The following SGSM2 variants were observed in gnomAD, a reference collection of about 807,000 sequenced individuals.
SGSM2 encodes small G protein signaling modulator 2.
In SGSM2, 89 loss-of-function variants were observed where a neutral mutation model predicts 126.6. The ratio of observed to expected loss-of-function variants is 0.70; its 90% CI spans 0.59 to 0.84. The LOEUF is 0.84. SGSM2 is among the 40% of genes least tolerant of loss of function. The pLI is 0.00. For missense variants in SGSM2, 1,404 were observed against 1,416.6 expected (o/e 0.99, Z 0.14); for synonymous variants, 614 against 574.3 (o/e 1.07, Z -0.99).
In SGSM2 at chr17:2,379,179, A is replaced by G; in HGVS notation, c.3043A>G (p.Thr1015Ala). The change falls in exon 23 of 24, where the codon ACT becomes GCT. Residue 1015 changes from threonine (T) to alanine (A), a missense_variant. Thr to Ala is a moderately conservative substitution (Grantham distance 58, BLOSUM62 0). Transcript: ENST00000268989. ...CATCCGTGACAACAACATGGACTTC[A>G]CTGACATCATCAAGTTTTTCAATGG... is the stretch of plus-strand genomic sequence containing the variant. ...EIIRDNNMDFTDIIKFFNERA... is the reference protein window; with the variant it reads ...EIIRDNNMDFADIIKFFNERA... 2 of 1,614,026 alleles carry G rather than the reference A, an allele frequency of 1.2e-6. No homozygotes were observed. The highest frequency in any genetic ancestry group is 1.7e-6 in the Non-Finnish European group (2 of 1,179,978).
intron 18 of SGSM2, 96 bp downstream of exon 18, chr17:2,375,971 C>T: frequency 6.6e-7 from 1 of 1,504,388 alleles, no homozygotes; most frequent in African/African-American, 1.4e-5. Flanking sequence ...AGGCGGGGCG[C>T]CCTGACTGCC....
At chr17:2,369,906 T>A (rs1477490986) in intron 12 of SGSM2, among the ~76,000 whole-genome samples, 2 of 152,106 alleles carry the variant, frequency 1.3e-5, no homozygotes, top group Admixed American at 1.3e-4. Flanking sequence ...CAGCCCCTCC[T>A]CACCACGCGT....
chr17:2,379,494 G>A lies in SGSM2; in HGVS notation c.3130G>A (p.Val1044Met), dbSNP rs770879356. ...GATTGCCCGGGACCTCGTCCACAAG[G>A]TGCAGATGCTCATAGAGAACAAGTG... Reference protein sequence around the residue: ...LRIARDLVHKVQMLIENK With the variant: ...LRIARDLVHKMQMLIENK Residue 1044 changes from valine to methionine, a missense_variant, in exon 24 of 24, where the codon GTG (valine) becomes ATG (methionine). Coordinates refer to ENST00000268989, the MANE Select transcript of SGSM2 (RefSeq NM_014853.3). The A allele has an allele frequency of 2.8e-5, 45 of 1,613,392 alleles. No homozygotes were observed. Among genetic ancestry groups the A allele is most frequent in the Non-Finnish European group, 3.7e-5 (44 of 1,179,688 alleles).
At chr17:2,351,454 G>T (rs998683380) in intron 2 of SGSM2, among the ~76,000 whole-genome samples, 2 of 152,152 alleles carry the variant, frequency 1.3e-5, no homozygotes, top group Non-Finnish European at 2.9e-5. Context: ...GACACTCTAG[G>T]AGACTGTGGC....
chr17:2,361,942 G>A (rs2065327941), intron 3 of SGSM2, 143 bp downstream of exon 3: 4 of 1,324,074 alleles, frequency 3.0e-6, no homozygotes, highest in Non-Finnish European at 4.1e-6. Flanking sequence ...CTTGAGGGAG[G>A]GGATTGGTTC....
chr17:2,364,159 T>C lies in SGSM2; in HGVS notation c.908T>C (p.Leu303Pro), dbSNP rs918737910. The change falls in exon 8 of 24, where the codon CTG (leucine) becomes CCG (proline). Residue 303 changes from leucine to proline, a missense_variant. By Grantham distance (98) the Leu-to-Pro change is moderately conservative. Coordinates refer to ENST00000268989, the MANE Select transcript of SGSM2 (RefSeq NM_014853.3). ...WTPNQLMNGT[L>P]GDSELEKSVY... The stretch of plus-strand genomic sequence containing the variant: ...CCCAACCAGCTCATGAATGGGACTC[T>C]GGGGGACTCCGAGCTGGAAAAGAGG... The C allele has an allele frequency of 1.6e-5, 26 of 1,613,818 alleles. No homozygotes were observed. Among genetic ancestry groups the C allele is most frequent in the African/African-American group, 5.3e-5 (4 of 74,916 alleles).
chr17:2,378,272 T>C (rs1376098845), intron 22 of SGSM2, among the ~76,000 whole-genome samples: 4 of 151,998 alleles, frequency 2.6e-5, no homozygotes, highest in Non-Finnish European at 5.9e-5. Context: ...TCTTTAATTT[T>C]TAAAAAAGAA....
intron 2 of SGSM2, among the ~76,000 whole-genome samples, chr17:2,359,919 C>T (rs2065241746): frequency 6.6e-6 from 1 of 152,212 alleles, no homozygotes. Flanking sequence ...GGAATTGTAG[C>T]TGCAGCAGCC....
chr17:2,373,759 A>C, intron 17 of SGSM2: 2 of 499,278 alleles, frequency 4.0e-6, no homozygotes, highest in Non-Finnish European at 7.1e-6. Flanking sequence ...CTATAGGGAA[A>C]GATGGACTTA....
At chr17:2,373,615 C>A in intron 17 of SGSM2, 102 bp downstream of exon 17, 3 of 1,136,248 alleles carry the variant, frequency 2.6e-6, no homozygotes, top group Non-Finnish European at 3.7e-6. Flanking sequence ...ACTGGTGGGG[C>A]CCTGCGAGAA....
At chr17:2,371,729 C>T in intron 13 of SGSM2, 1 of 406,072 alleles carries the variant, frequency 2.5e-6, no homozygotes, top group South Asian at 3.0e-5. Context: ...ATCATGGGCT[C>T]AGTGCCCGTG....
At chr17:2,376,376 G>A in intron 19 of SGSM2, 115 bp downstream of exon 19, 2 of 1,401,052 alleles carry the variant, frequency 1.4e-6, no homozygotes, top group Non-Finnish European at 1.9e-6. Context: ...ATCACACTTG[G>A]CTCCCCCTGC....
chr17:2,337,528 G>A lies in SGSM2; in HGVS notation c.-161G>A. 1 of 212,314 alleles carries A rather than the reference G, an allele frequency of 4.7e-6. No homozygotes were observed. The allele number at this position is 212,314 out of a possible 1,614,324, so 13.2% of individuals were successfully genotyped here. On this transcript the variant is annotated 5_prime_UTR_variant, in exon 1 of 24. Coordinates refer to ENST00000268989, the MANE Select transcript of SGSM2 (RefSeq NM_014853.3). The surrounding 1 kb of genome is among the most constrained non-coding windows in gnomAD (Gnocchi z 5.1). ...GCGGGGCTCGGAAGATGGCTGCGGAGCCGAGCACCGGGCAGTGGCTGCGGC... is the reference window on the plus strand; with the variant it reads ...GCGGGGCTCGGAAGATGGCTGCGGAACCGAGCACCGGGCAGTGGCTGCGGC...
rs766465622 is a variant in SGSM2 at position 2,376,865 on chromosome 17, C to T, written c.2692+50C>T. 5.0e-6 allele frequency: 8 copies of T among 1,610,462 alleles called. 1 individual carries two copies. The highest frequency in any genetic ancestry group is 4.4e-5 in the South Asian group (4 of 90,992). On this transcript the variant is annotated intron_variant, in intron 20 of 23. Coordinates refer to ENST00000268989, the MANE Select transcript of SGSM2 (RefSeq NM_014853.3). ...TGGGCTGCGTAAGCTGGAGAAAGGA[C>T]GAGAGGGTGGCCAGGTCTGGAGGGG... is the stretch of plus-strand genomic sequence containing the variant.
rs865920003 is a variant in SGSM2 at position 2,340,288 on chromosome 17, G to C, written c.57+2543G>C. ...TGCCACCACACCCAGCTAATTTTTC[G>C]TATTTTAGTAGAGATGGGGTTTCAC... On this transcript the variant is annotated intron_variant, in intron 1 of 23. Transcript: ENST00000268989. Among the ~76,000 whole-genome samples, 57 of 151,834 alleles carry C rather than the reference G, an allele frequency of 3.8e-4. 1 individual carries two copies. The Middle Eastern group carries it at 0.014, about 36-fold the overall frequency.
chr17:2,379,389 C>T (rs921519449), intron 23 of SGSM2, 43 bp from the exon 24 acceptor site: 1 of 1,587,040 alleles, frequency 6.3e-7, no homozygotes, highest in African/African-American at 1.3e-5. Context: ...AGCCTGCTGC[C>T]CTTTCTCTGG....
chr17:2,358,785 A>G (rs1293221385), intron 2 of SGSM2, among the ~76,000 whole-genome samples: 2 of 150,678 alleles, frequency 1.3e-5, no homozygotes, highest in Non-Finnish European at 3.0e-5. Context: ...GAAAAAAAGC[A>G]CTCTCCTAAT....
chr17:2,371,185 C>T, intron 12 of SGSM2, 77 bp from the exon 13 acceptor site: 7 of 1,463,314 alleles, frequency 4.8e-6, no homozygotes, highest in Non-Finnish European at 6.4e-6. Context: ...GCTCTGGGCA[C>T]AGAGGTGGGC....
At chr17:2,371,804 G>C (rs1457247918) in intron 13 of SGSM2, 4 of 382,732 alleles carry the variant, frequency 1.0e-5, no homozygotes, top group Non-Finnish European at 1.9e-5. Context: ...ACACTCAGCA[G>C]CCACCTGCCG....
Sources: gnomAD v4.1 joint callset for allele counts (sites outside exome capture counted in the v4.1 genomes callset) on GRCh38, gnomAD v4.1.1 for gene constraint, Gnocchi (gnomAD v3.1) non-coding constraint, MANE v1.5 for transcripts, NCBI Gene and HGNC (gene_info 2026-07-23, HGNC 2026-07-21) for gene names.